ESYT2: variants seen among roughly 807,000 people sequenced by gnomAD.
ESYT2 encodes the protein extended synaptotagmin 2.
In ESYT2, 54 loss-of-function variants were observed where a neutral mutation model predicts 107.2. The observed-to-expected ratio is 0.50, with a 90% CI of 0.40 to 0.63. ESYT2 has a LOEUF of 0.63. Among genes scored for constraint, ESYT2 ranks in the 30% least tolerant of loss-of-function variants. The pLI is 0.00. For missense variants in ESYT2, 1,020 were observed against 1,094.5 expected (o/e 0.93, Z 0.96); for synonymous variants, 491 against 434.1 (o/e 1.13, Z -1.63).
chr7:158,750,582 T>C (rs554757743), intron 14 of ESYT2, among the ~76,000 whole-genome samples: 1 of 152,330 alleles, frequency 6.6e-6, no homozygotes, highest in East Asian at 1.9e-4. Context: ...GAAATATTAT[T>C]AGTTCAAACC....
chr7:158,737,502 C>G (rs1260415156), intron 19 of ESYT2, among the ~76,000 whole-genome samples: 1 of 152,144 alleles, frequency 6.6e-6, no homozygotes. Flanking sequence ...CATTTTCTCT[C>G]TCACAGCCAA....
chr7:158,758,206 C>T (rs143164726), intron 13 of ESYT2, among the ~76,000 whole-genome samples: 20 of 152,286 alleles, frequency 1.3e-4, no homozygotes, highest in African/African-American at 3.9e-4. Flanking sequence ...TCACATCCTC[C>T]CAGTATGAAA....
chr7:158,807,777 C>G (rs1239636001), intron 1 of ESYT2, among the ~76,000 whole-genome samples: 1 of 152,180 alleles, frequency 6.6e-6, no homozygotes, highest in African/African-American at 2.4e-5. Flanking sequence ...TCCAAAAGAA[C>G]TTTAATATGG....
intron 6 of ESYT2, among the ~76,000 whole-genome samples, chr7:158,782,170 G>A (rs375311078): frequency 5.6e-4 from 85 of 151,932 alleles, no homozygotes; most frequent in African/African-American, 2.0e-3. Context: ...TGAGAACAGT[G>A]AGGTGTGAGT....
intron 13 of ESYT2, among the ~76,000 whole-genome samples, chr7:158,753,779 A>G (rs1177684083): frequency 6.6e-6 from 1 of 151,818 alleles, no homozygotes; most frequent in Non-Finnish European, 1.5e-5. Context: ...CCCTAGATCC[A>G]CTGCGTCCGT....
intron 4 of ESYT2, among the ~76,000 whole-genome samples, chr7:158,790,031 G>A (rs1360554351): frequency 8.6e-6 from 1 of 116,202 alleles, no homozygotes; most frequent in East Asian, 6.1e-4. Context: ...AGTGGGGAGA[G>A]TCCTCCTGGG....
At chr7:158,786,984 C>A (rs115888789) in intron 6 of ESYT2, among the ~76,000 whole-genome samples, 1,710 of 152,158 alleles carry the variant, frequency 0.011, 25 homozygotes, top group African/African-American at 0.039. Flanking sequence ...AAGCCTTCTG[C>A]GGCAAAGAAA....
chr7:158,740,315 T>A (rs1837146643), intron 18 of ESYT2, among the ~76,000 whole-genome samples: 1 of 152,230 alleles, frequency 6.6e-6, no homozygotes, highest in Non-Finnish European at 1.5e-5. Flanking sequence ...CTGGCCAGCC[T>A]GCAGGCTGCA....
At position 158,781,575 on chromosome 7, in the gene ESYT2, AGT is replaced by A. The variant is rs374695823; in HGVS notation, c.747+6427_747+6428del. Among the ~76,000 whole-genome samples the A allele has an allele frequency of 5.1e-3, 773 of 151,338 alleles. 4 individuals are homozygous for A. The highest frequency in any genetic ancestry group is 0.018 in the African/African-American group (741 of 41,224). On this transcript the variant is annotated intron_variant, in intron 6 of 22. Coordinates refer to ENST00000275418, the MANE Select transcript of ESYT2 (RefSeq NM_001367773.1). The stretch of plus-strand genomic sequence containing the variant: ...AGTGAGTGAACGACTGTGAGAACAA[AGT>A]GTGAGAGGTTTGAGTATAAGACCGA...
At chr7:158,747,861 C>T (rs1294957668) in intron 16 of ESYT2, among the ~76,000 whole-genome samples, 5 of 152,024 alleles carry the variant, frequency 3.3e-5, no homozygotes. Context: ...AACTACTACT[C>T]AACAATAAAA....
intron 1 of ESYT2, among the ~76,000 whole-genome samples, chr7:158,814,362 A>T (rs1584883392): frequency 8.0e-6 from 1 of 125,416 alleles, no homozygotes; most frequent in Non-Finnish European, 1.7e-5. Context: ...AATATACCTT[A>T]CTCGTCCAGA....
rs542316658 is a variant in ESYT2, at chr7:158,807,473, ACT to A, written c.331-8403_331-8402del. Reference sequence around the variant, plus strand: ...TCGGAAATTTACCACCCTAAAACTTACTGTTTCCTTTTTAATTATTTATTTGT... The same window carrying A: ...TCGGAAATTTACCACCCTAAAACTTAGTTTCCTTTTTAATTATTTATTTGT... On this transcript the variant is annotated intron_variant, in intron 1 of 22. Transcript: ENST00000275418. 6.7e-3 allele frequency among the ~76,000 whole-genome samples: 1,024 copies of A among 152,298 alleles called. 16 individuals carry two copies. Among genetic ancestry groups the A allele is most frequent in the African/African-American group, 0.024 (978 of 41,572 alleles).
In ESYT2 at chr7:158,732,396, G is replaced by A. The variant is rs1165862462; in HGVS notation, c.*1811C>T. ...TATTTGTCTATAAAGGTATTGATAC[G>A]CTTCCCAAATAATCCTATATACTAA... On this transcript the variant is annotated 3_prime_UTR_variant, in exon 23 of 23. Coordinates refer to ENST00000275418, the MANE Select transcript of ESYT2 (RefSeq NM_001367773.1). The A allele has an allele frequency of 6.6e-6, 1 of 152,126 alleles. No homozygotes were observed. The highest frequency in any genetic ancestry group is 1.9e-4 in the East Asian group (1 of 5,196). The allele number at this position is 152,126 out of a possible 1,614,324, so 9.4% of individuals were successfully genotyped here. A position where few individuals can be genotyped will look rare whatever the true frequency, so the allele number is the denominator to read the frequency against.
intron 7 of ESYT2, among the ~76,000 whole-genome samples, chr7:158,769,307 A>T (rs1838271918): frequency 6.6e-6 from 1 of 152,244 alleles, no homozygotes; most frequent in Non-Finnish European, 1.5e-5. Context: ...GGAGGGCTTC[A>T]GCCAGCAGAC....
At position 158,737,092 on chromosome 7, in the gene ESYT2, T is replaced by G; in HGVS notation, c.2355A>C (p.Lys785Asn). The G allele has an allele frequency of 1.2e-6, 2 of 1,613,982 alleles. No individual in the cohort carries two copies. Among genetic ancestry groups the G allele is most frequent in the Admixed American group, 3.3e-5 (2 of 60,002 alleles). The change falls in exon 20 of 23, where the codon AAA becomes AAC. Residue 785 changes from lysine to asparagine, a missense_variant. Physicochemically the swap from Lys to Asn is moderately conservative, Grantham distance 94. Transcript: ENST00000275418. The part of the protein sequence containing the change: ...LPDKRRSGRR[K>N]THVSKKTLNP... ...TTAATGTTTTCTTTGACACGTGTGT[T>G]TTCCTCCTTCCTGACCGCCTCTTGT...
intron 16 of ESYT2, among the ~76,000 whole-genome samples, chr7:158,745,405 G>T (rs1309829438): frequency 1.3e-5 from 2 of 151,390 alleles, no homozygotes; most frequent in African/African-American, 4.9e-5. Flanking sequence ...TAAATTCAGA[G>T]ATTTAAACGC....
chr7:158,783,148 C>T (rs1019579857), intron 6 of ESYT2, among the ~76,000 whole-genome samples: 1 of 152,306 alleles, frequency 6.6e-6, no homozygotes, highest in East Asian at 1.9e-4. Flanking sequence ...CACCTCTGAG[C>T]TGTTGCGGCT....
chr7:158,828,149 C>CT (rs1365963775), intron 1 of ESYT2, among the ~76,000 whole-genome samples: 2 of 152,252 alleles, frequency 1.3e-5, no homozygotes, highest in African/African-American at 4.8e-5. Flanking sequence ...TTTCAATTAT[C>CT]TAATATCTCC....
intron 19 of ESYT2, among the ~76,000 whole-genome samples, chr7:158,738,466 CTTTT>C (rs751671744): frequency 1.8e-4 from 27 of 146,812 alleles, no homozygotes; most frequent in South Asian, 2.2e-4. Context: ...ATTTTTTTTT[CTTTT>C]TGAGACAAAG....
Sources: gnomAD v4.1 joint callset for allele counts (sites outside exome capture counted in the v4.1 genomes callset) on GRCh38, gnomAD v4.1.1 for gene constraint, MANE v1.5 for transcripts, NCBI Gene and HGNC (gene_info 2026-07-23, HGNC 2026-07-21) for gene names.